The following ENO4 variants were observed in gnomAD, a reference collection of about 807,000 sequenced individuals.
The protein encoded by ENO4 is enolase 4.
A neutral mutation model predicts 63.2 loss-of-function variants in ENO4; 53 were observed. That is an observed-to-expected ratio of 0.84 (90% confidence interval 0.67 to 1.05). The LOEUF (loss-of-function observed/expected upper bound fraction) is 1.05. ENO4 is among the 50% of genes least tolerant of loss of function. The pLI, the probability that ENO4 is intolerant of heterozygous loss-of-function variation, is 0.00. For synonymous variants in ENO4, 266 were observed against 283.8 expected (o/e 0.94, Z 0.63); for missense variants, 719 against 772.0 (o/e 0.93, Z 0.81).
chr10:116,863,018 A>G (rs1263642702), intron 7 of ENO4, among the ~76,000 whole-genome samples, 166 bp downstream of exon 7: 1 of 152,158 alleles, frequency 6.6e-6, no homozygotes, highest in East Asian at 1.9e-4. Flanking sequence ...CTCAGTGGCT[A>G]TGGATCCAGC....
In ENO4 at chr10:116,879,931, T is replaced by C; in HGVS notation, c.1668T>C (p.Thr556=). The change falls in exon 13 of 14, where the codon ACT becomes ACC. Residue 556 remains threonine, a synonymous_variant. Transcript: ENST00000341276. ...GTCTTTCCCGTGGTGAACGAGTGAC[T>C]AAATACAACCGCCTTCTCACTATAG... is the stretch of plus-strand genomic sequence containing the variant. ...LGGLSRGERV[T]KYNRLLTIEE... is the part of the protein sequence containing the mutation. 3 of 1,550,844 alleles carry C rather than the reference T, an allele frequency of 1.9e-6. No homozygotes were observed. Among genetic ancestry groups the C allele is most frequent in the Non-Finnish European group, 2.6e-6 (3 of 1,147,048 alleles).
chr10:116,883,742 T>C (rs1847087212), downstream of ENO4: 1 of 154,994 alleles, frequency 6.5e-6, no homozygotes, highest in Non-Finnish European at 1.4e-5. Flanking sequence ...AGCCAAAGCA[T>C]CCATCCTCCG....
chr10:116,901,173 T>C (rs1847720368), intron 10 of ENO4: 1 of 985,312 alleles, frequency 1.0e-6, no homozygotes, highest in Non-Finnish European at 1.2e-6. Flanking sequence ...AGAGCTGCCA[T>C]TGTTATAAAA....
chr10:116,869,380 C>T (rs1589758694), intron 8 of ENO4, among the ~76,000 whole-genome samples: 1 of 152,096 alleles, frequency 6.6e-6, no homozygotes. Context: ...GAAGGTTGCT[C>T]GCATCTGCAG....
At chr10:116,909,076 C>T (rs879596359) in intron 10 of ENO4, among the ~76,000 whole-genome samples, 2 of 152,184 alleles carry the variant, frequency 1.3e-5, no homozygotes, top group Non-Finnish European at 2.9e-5. Context: ...CAGAAATTAA[C>T]TTAGAAACTG....
At chr10:116,891,691 T>C (rs1167154528) in intron 10 of ENO4, among the ~76,000 whole-genome samples, 1 of 152,194 alleles carries the variant, frequency 6.6e-6, no homozygotes, top group East Asian at 1.9e-4. Context: ...ATTGTTTCTT[T>C]TGGAAACCCT....
At chr10:116,911,065 G>A (rs1457977743) in intron 10 of ENO4, among the ~76,000 whole-genome samples, 3 of 152,196 alleles carry the variant, frequency 2.0e-5, no homozygotes, top group African/African-American at 7.2e-5. Flanking sequence ...TTGACTTACT[G>A]TGCATAATAA....
chr10:116,860,483 T>A (rs1299504719), intron 4 of ENO4, among the ~76,000 whole-genome samples: 1 of 152,240 alleles, frequency 6.6e-6, no homozygotes, highest in Non-Finnish European at 1.5e-5. Context: ...TTCTGTTACA[T>A]GTTGGGCAAG....
downstream of ENO4, among the ~76,000 whole-genome samples, chr10:116,887,106 T>G (rs1465793188): frequency 1.3e-5 from 2 of 152,140 alleles, no homozygotes; most frequent in Non-Finnish European, 2.9e-5. Context: ...CTGGTCAGAC[T>G]TCAGGAGGGG....
At chr10:116,867,086 A>G (rs1846568011) in intron 7 of ENO4, among the ~76,000 whole-genome samples, 1 of 152,168 alleles carries the variant, frequency 6.6e-6, no homozygotes, top group African/African-American at 2.4e-5. Flanking sequence ...CACGGTCTTA[A>G]AACAGGAGAT....
At chr10:116,891,210 A>G (rs147080727) in intron 10 of ENO4, among the ~76,000 whole-genome samples, 7 of 152,388 alleles carry the variant, frequency 4.6e-5, no homozygotes, top group Admixed American at 4.6e-4. Context: ...GAGTTATTTT[A>G]TAAAATGCTA....
At chr10:116,883,168 C>T (rs926114042), downstream of ENO4, 1 of 152,156 alleles carries the variant, frequency 6.6e-6, no homozygotes, top group Non-Finnish European at 1.5e-5. Context: ...AGTTTACTCA[C>T]CTATCCTCGA....
chr10:116,856,893 G>T (rs1388061394), intron 3 of ENO4, among the ~76,000 whole-genome samples: 1 of 152,008 alleles, frequency 6.6e-6, no homozygotes, highest in African/African-American at 2.4e-5. Flanking sequence ...GGAGGCTGAG[G>T]CAGGAGAATG....
At chr10:116,865,748 T>A (rs1041914217) in intron 7 of ENO4, among the ~76,000 whole-genome samples, 1 of 152,192 alleles carries the variant, frequency 6.6e-6, no homozygotes, top group Non-Finnish European at 1.5e-5. Context: ...CTGAGTGTCC[T>A]GCAATGTACA....
chr10:116,871,384 C>A, intron 9 of ENO4, 92 bp downstream of exon 9: 1 of 1,118,300 alleles, frequency 8.9e-7, no homozygotes, highest in Non-Finnish European at 1.2e-6. Flanking sequence ...TGAATATTGT[C>A]CAAACAGATC....
At chr10:116,865,704 G>A (rs771861644) in intron 7 of ENO4, among the ~76,000 whole-genome samples, 11 of 152,152 alleles carry the variant, frequency 7.2e-5, no homozygotes, top group Non-Finnish European at 1.3e-4. Context: ...GGAGAGTTCT[G>A]ACCGCATTTT....
intron 2 of ENO4, among the ~76,000 whole-genome samples, chr10:116,856,119 ATAATT>A (rs1333666411): frequency 1.3e-5 from 2 of 152,350 alleles, no homozygotes; most frequent in African/African-American, 4.8e-5. Context: ...AAGAAAGAAA[ATAATT>A]TACTTTAATA....
chr10:116,868,763 C>T, intron 8 of ENO4, 57 bp downstream of exon 8: 1 of 1,448,988 alleles, frequency 6.9e-7, no homozygotes, highest in South Asian at 1.2e-5. Context: ...AAATTTCCTG[C>T]CCCTTTTTAT....
At chr10:116,855,255 T>C (rs1326585295) in intron 1 of ENO4, among the ~76,000 whole-genome samples, 1 of 152,198 alleles carries the variant, frequency 6.6e-6, no homozygotes, top group Non-Finnish European at 1.5e-5. Flanking sequence ...ATCACACCAC[T>C]GCACTCCAGC....
Sources: gnomAD v4.1 joint callset for allele counts (sites outside exome capture counted in the v4.1 genomes callset) on GRCh38, gnomAD v4.1.1 for gene constraint, MANE v1.5 for transcripts, NCBI Gene and HGNC (gene_info 2026-07-23, HGNC 2026-07-21) for gene names.